Variants in FGF14 observed in about 807,000 individuals in gnomAD.
FGF14 encodes fibroblast growth factor 14, also known as fibroblast growth factor homologous factor 4.
In FGF14, 5 loss-of-function variants were observed where a neutral mutation model predicts 25.5. That is an observed-to-expected ratio of 0.20 (90% CI 0.10 to 0.41). The LOEUF (loss-of-function observed/expected upper bound fraction) is 0.41. Ranked by LOEUF, FGF14 falls within the 10% of genes least tolerant of loss-of-function variation. FGF14 has a pLI of 1.00. For synonymous variants in FGF14, 138 were observed against 118.3 expected (o/e 1.17, Z -1.08); for missense variants, 222 against 320.1 (o/e 0.69, Z 2.34).
chr13:102,300,913 G>GCACACAGACA (rs2055005853), intron 1 of FGF14, among the ~76,000 whole-genome samples: 1 of 139,644 alleles, frequency 7.2e-6, no homozygotes, highest in South Asian at 2.3e-4. Context: ...TTACCAATAT[G>GCACACAGACA]CACACAGACA....
rs183901412 is a variant in FGF14 at position 101,939,555 on chromosome 13, G to T, written c.209-64259C>A. Among the ~76,000 whole-genome samples the T allele has an allele frequency of 4.3e-4, 66 of 152,334 alleles. No individual in the cohort carries two copies. The South Asian group carries it at 4.6e-3, about 11-fold the overall frequency. On this transcript the variant is annotated intron_variant, in intron 1 of 4. Coordinates refer to the FGF14 transcript ENST00000376131. ...CACTTAGGCCAGGAAGCCCCAGGGT[G>T]TTGGGTTAATGCGAAATCCTAAAAT...
At chr13:101,726,970 T>A (rs934835374) in intron 3 of FGF14, among the ~76,000 whole-genome samples, 160 bp from the exon 4 acceptor site, 2 of 152,116 alleles carry the variant, frequency 1.3e-5, no homozygotes, top group African/African-American at 4.8e-5. Context: ...TATACATTTT[T>A]AAAATATACA....
intron 1 of FGF14, among the ~76,000 whole-genome samples, chr13:101,967,339 C>T (rs1359050): frequency 0.19 from 29,145 of 152,084 alleles, 3,304 homozygotes; most frequent in East Asian, 0.48. Context: ...GAACCACTGT[C>T]CTATGTTTAC....
rs796285466 is a variant in FGF14, at chr13:101,943,812, T to TACAA, written c.209-68517_209-68516insTTGT. ...AACATGGAGAATCCCTGTCTCTACT[T>TACAA]AAAAAAAAAAAAAAATATATATATA... On this transcript the variant is annotated intron_variant, in intron 1 of 4. Transcript: ENST00000376131. Among the ~76,000 whole-genome samples, 294 of 134,206 alleles carry TACAA rather than the reference T, an allele frequency of 2.2e-3. 6 individuals are homozygous for TACAA. Among genetic ancestry groups the TACAA allele is most frequent in the African/African-American group, 8.5e-3 (276 of 32,590 alleles). 88.0% of individuals were successfully genotyped at this position (134,206 alleles called of 152,430 possible). A position where few individuals can be genotyped will look rare whatever the true frequency, so the allele number is the denominator to read the frequency against.
intron 1 of FGF14, among the ~76,000 whole-genome samples, chr13:102,014,334 G>C (rs1230956678): frequency 4.6e-5 from 7 of 152,050 alleles, no homozygotes; most frequent in Non-Finnish European, 1.0e-4. Flanking sequence ...TTTTCCACTA[G>C]TGTAACAACT....
At chr13:101,797,905 A>C (rs2040645044) in intron 3 of FGF14, among the ~76,000 whole-genome samples, 1 of 152,094 alleles carries the variant, frequency 6.6e-6, no homozygotes, top group Non-Finnish European at 1.5e-5. Flanking sequence ...TTGTTTCAAA[A>C]AGCAGTCTTT....
chr13:102,331,822 G>A (rs561474906), intron 1 of FGF14, among the ~76,000 whole-genome samples: 4 of 152,228 alleles, frequency 2.6e-5, no homozygotes, highest in African/African-American at 9.6e-5. Flanking sequence ...AAAGTGAGGC[G>A]ATCCACTGAG....
chr13:102,207,930 A>G (rs1034589282), intron 1 of FGF14, among the ~76,000 whole-genome samples: 1 of 152,202 alleles, frequency 6.6e-6, no homozygotes, highest in Non-Finnish European at 1.5e-5. Flanking sequence ...TCATAAATCT[A>G]CAGAGTTCAC....
Position 101,717,164 on chromosome 13 carries a change from A to C in FGF14, c.*5667T>G, listed in dbSNP as rs2034756506. On this transcript the variant is annotated 3_prime_UTR_variant, in exon 5 of 5. Coordinates refer to ENST00000376143, the MANE Select transcript of FGF14 (RefSeq NM_004115.4). ...TTCTAGTCATGGCTTAAACTTTATA[A>C]GTCAAATTTCCAAAAATAAGGAAAA... 2 of 152,150 alleles carry C rather than the reference A, an allele frequency of 1.3e-5. No homozygotes were observed. Among genetic ancestry groups the C allele is most frequent in the Non-Finnish European group, 2.9e-5 (2 of 67,992 alleles). The allele number at this position is 152,150 out of a possible 1,614,324, so 9.4% of individuals were successfully genotyped here.
chr13:102,264,100 G>T (rs945623), intron 1 of FGF14, among the ~76,000 whole-genome samples: 1 of 151,622 alleles, frequency 6.6e-6, no homozygotes, highest in African/African-American at 2.4e-5. Context: ...AATAAATTCG[G>T]GGAACCAATT....
chr13:102,138,817 A>G (rs1418547602), intron 1 of FGF14, among the ~76,000 whole-genome samples: 1 of 152,206 alleles, frequency 6.6e-6, no homozygotes, highest in African/African-American at 2.4e-5. Context: ...GTTGTTCACA[A>G]ATTGTTAGCA....
At chr13:101,749,152 G>T (rs2037100405) in intron 3 of FGF14, among the ~76,000 whole-genome samples, 1 of 152,090 alleles carries the variant, frequency 6.6e-6, no homozygotes, top group African/African-American at 2.4e-5. Context: ...CCGGTGGCTA[G>T]GGAGAGGAGG....
intron 2 of FGF14, among the ~76,000 whole-genome samples, chr13:101,872,754 C>G (rs753834661): frequency 6.6e-6 from 1 of 151,898 alleles, no homozygotes; most frequent in Admixed American, 6.6e-5. Flanking sequence ...TTCTTTATTT[C>G]TTTGCAAATG....
intron 1 of FGF14, among the ~76,000 whole-genome samples, chr13:102,314,161 C>G (rs1361323210): frequency 1.3e-5 from 2 of 152,148 alleles, no homozygotes; most frequent in Non-Finnish European, 2.9e-5. Context: ...TTTCTTTCTG[C>G]TGCTTGTACA....
At chr13:101,851,119 TA>T (rs2043823779) in intron 3 of FGF14, among the ~76,000 whole-genome samples, 1 of 152,186 alleles carries the variant, frequency 6.6e-6, no homozygotes, top group African/African-American at 2.4e-5. Context: ...GCACTCATTT[TA>T]ATTAAGTTAA....
At chr13:102,181,630 T>C (rs988146301) in intron 1 of FGF14, among the ~76,000 whole-genome samples, 2 of 152,190 alleles carry the variant, frequency 1.3e-5, no homozygotes, top group Non-Finnish European at 2.9e-5. Flanking sequence ...TTGATGGGCA[T>C]AGCTCTTCCA....
intron 1 of FGF14, among the ~76,000 whole-genome samples, chr13:101,961,291 G>C (rs921846782): frequency 6.6e-6 from 1 of 152,098 alleles, no homozygotes; most frequent in Non-Finnish European, 1.5e-5. Flanking sequence ...GTACTGCCTA[G>C]ATTTTCTTCT....
At position 101,711,129 on chromosome 13, in the gene FGF14, T is replaced by A. The variant is rs181277734; in HGVS notation, c.*11702A>T. The A allele has an allele frequency of 1.8e-4, 28 of 152,340 alleles. No individual in the cohort carries two copies. In the East Asian group the frequency reaches 5.4e-3, roughly 29 times the overall value. 9.4% of individuals were successfully genotyped at this position (152,340 alleles called of 1,614,324 possible). On this transcript the variant is annotated 3_prime_UTR_variant, in exon 5 of 5. Coordinates refer to ENST00000376143, the MANE Select transcript of FGF14 (RefSeq NM_004115.4). ...CCTAAGCTTAGCTACCTTTGCAAAG[T>A]ACATGATATAATTCATTGTGGGTTG... is the stretch of plus-strand genomic sequence containing the variant.
At chr13:102,351,659 C>T (rs531514199) in intron 1 of FGF14, among the ~76,000 whole-genome samples, 4 of 152,322 alleles carry the variant, frequency 2.6e-5, no homozygotes, top group African/African-American at 9.6e-5. Flanking sequence ...AGGTCCACTT[C>T]TAAGCTGGCG....
Sources: gnomAD v4.1 joint callset for allele counts (sites outside exome capture counted in the v4.1 genomes callset) on GRCh38, gnomAD v4.1.1 for gene constraint, MANE v1.5 for transcripts, NCBI Gene and HGNC (gene_info 2026-07-23, HGNC 2026-07-21) for gene names.